VPS41: variants seen among roughly 807,000 people sequenced by gnomAD.
VPS41 encodes VPS41 subunit of HOPS complex.
In VPS41, 85 loss-of-function variants were observed where a neutral mutation model predicts 130.9. The ratio of observed to expected loss-of-function variants is 0.65; its 90% CI spans 0.55 to 0.78. The LOEUF is 0.78. Ranked by LOEUF, VPS41 falls within the 30% of genes least tolerant of loss-of-function variation. The probability of loss-of-function intolerance (pLI) is 0.00; values close to 1 mark genes in which losing one functional copy is unlikely to be tolerated. For synonymous variants in VPS41, 335 were observed against 332.9 expected, an observed-to-expected ratio of 1.01 and a Z score of -0.07; for missense variants, 874 against 1,018.7, an observed-to-expected ratio of 0.86 and a Z score of 1.93.
intron 10 of VPS41, among the ~76,000 whole-genome samples, chr7:38,788,263 C>T (rs1368490018): frequency 6.6e-6 from 1 of 152,152 alleles, no homozygotes; most frequent in Admixed American, 6.5e-5. Context: ...TCCTTGCCTC[C>T]CTGGAAGCTT....
chr7:38,828,084 G>A (rs1043724178), intron 5 of VPS41, among the ~76,000 whole-genome samples: 7 of 152,050 alleles, frequency 4.6e-5, no homozygotes, highest in African/African-American at 7.2e-5. Context: ...AAAAAAGGGA[G>A]CAACATCTCC....
chr7:38,766,175 T>C (rs1229092482), intron 15 of VPS41, among the ~76,000 whole-genome samples: 1 of 152,192 alleles, frequency 6.6e-6, no homozygotes, highest in Non-Finnish European at 1.5e-5. Flanking sequence ...GAAACACATT[T>C]TCTTAAATAA....
rs769312421 is a variant in VPS41 at position 38,758,411 on chromosome 7, C to T, written c.1493G>A (p.Arg498Gln). The change falls in exon 18 of 29, where the codon CGG becomes CAG. Residue 498 changes from arginine (R) to glutamine (Q), a missense_variant. Physicochemically the swap from Arg to Gln is conservative, Grantham distance 43. Transcript: ENST00000310301. ...CTGACTATCTTTCTTCAAATGATCC[C>T]GAACTGCTTGAACTATGACTGAATT... is the stretch of plus-strand genomic sequence containing the variant. ...YNNSVIVQAVRDHLKKDSQNK... is the reference protein window; with the variant it reads ...YNNSVIVQAVQDHLKKDSQNK... 13 of 1,613,402 alleles carry T rather than the reference C, an allele frequency of 8.1e-6. No homozygotes were observed. The highest frequency in any genetic ancestry group is 4.5e-5 in the East Asian group (2 of 44,806).
chr7:38,855,748 T>C (rs1032417240), intron 4 of VPS41, among the ~76,000 whole-genome samples: 23 of 152,228 alleles, frequency 1.5e-4, no homozygotes, highest in Non-Finnish European at 2.6e-4. Context: ...TTTTAAAGTC[T>C]CTTTAGCTTC....
At chr7:38,886,926 G>A (rs112096869) in intron 2 of VPS41, among the ~76,000 whole-genome samples, 6,914 of 152,272 alleles carry the variant, frequency 0.045, 351 homozygotes, top group African/African-American at 0.13. Context: ...CAGACCTGCA[G>A]CTGAGGGGCC....
intron 9 of VPS41, 92 bp from the exon 10 acceptor site, chr7:38,789,959 C>T: frequency 7.9e-7 from 1 of 1,272,406 alleles, no homozygotes; most frequent in South Asian, 1.2e-5. Flanking sequence ...TTAAATTAAC[C>T]TTGTAGCACT....
chr7:38,854,639 C>T (rs929616390), intron 4 of VPS41, among the ~76,000 whole-genome samples: 1 of 152,078 alleles, frequency 6.6e-6, no homozygotes, highest in Non-Finnish European at 1.5e-5. Flanking sequence ...GGAAAATAGT[C>T]TAAATATGTG....
intron 7 of VPS41, among the ~76,000 whole-genome samples, chr7:38,805,939 C>G (rs1784832131): frequency 6.6e-6 from 1 of 152,174 alleles, no homozygotes; most frequent in African/African-American, 2.4e-5. Flanking sequence ...CAGTAAATAT[C>G]AAGTGGACAG....
chr7:38,884,820 C>T (rs1333193879), intron 2 of VPS41, among the ~76,000 whole-genome samples: 1 of 152,188 alleles, frequency 6.6e-6, no homozygotes, highest in Non-Finnish European at 1.5e-5. Flanking sequence ...TCATCTGGTA[C>T]AAAGCAGACC....
At chr7:38,876,755 T>C (rs1483846959) in intron 2 of VPS41, among the ~76,000 whole-genome samples, 1 of 152,144 alleles carries the variant, frequency 6.6e-6, no homozygotes, top group Admixed American at 6.5e-5. Flanking sequence ...TCACAAGATA[T>C]GCAGTCTTCA....
intron 4 of VPS41, among the ~76,000 whole-genome samples, chr7:38,859,234 A>C (rs1403347859): frequency 6.6e-6 from 1 of 152,228 alleles, no homozygotes; most frequent in Non-Finnish European, 1.5e-5. Flanking sequence ...AAGTTTTAAA[A>C]TTAAAAAGTT....
chr7:38,815,728 C>T (rs568544619), intron 7 of VPS41, among the ~76,000 whole-genome samples: 14 of 152,216 alleles, frequency 9.2e-5, no homozygotes, highest in African/African-American at 1.4e-4. Flanking sequence ...GGCAGAAGAA[C>T]GTGAAAAGAC....
chr7:38,815,166 G>GT (rs1208265488), intron 7 of VPS41, among the ~76,000 whole-genome samples: 1 of 152,206 alleles, frequency 6.6e-6, no homozygotes, highest in Non-Finnish European at 1.5e-5. Flanking sequence ...GCTCATGCCT[G>GT]TAATACCAAC....
intron 3 of VPS41, among the ~76,000 whole-genome samples, chr7:38,868,726 A>G (rs564947761): frequency 5.3e-5 from 8 of 152,220 alleles, no homozygotes; most frequent in Non-Finnish European, 8.8e-5. Flanking sequence ...AACACCTACA[A>G]TGTAATCCCT....
intron 3 of VPS41, among the ~76,000 whole-genome samples, chr7:38,864,038 G>A (rs1373364087): frequency 2.6e-5 from 4 of 152,124 alleles, no homozygotes; most frequent in African/African-American, 4.8e-5. Context: ...CACCACATAC[G>A]ATAAGAATTG....
chr7:38,909,019 AC>A (rs1230912820), intron 1 of VPS41, 134 bp downstream of exon 1: 1 of 878,752 alleles, frequency 1.1e-6, no homozygotes, highest in East Asian at 2.8e-5. Flanking sequence ...TCGCCATCCC[AC>A]CCCGCCCTGC....
intron 5 of VPS41, among the ~76,000 whole-genome samples, chr7:38,829,595 A>C (rs962921547): frequency 4.6e-5 from 7 of 152,214 alleles, no homozygotes; most frequent in African/African-American, 1.7e-4. Context: ...ACATTCTTAT[A>C]AGTGGAAAAT....
intron 25 of VPS41, among the ~76,000 whole-genome samples, chr7:38,740,123 C>T (rs779131121): frequency 6.6e-6 from 1 of 152,152 alleles, no homozygotes; most frequent in Non-Finnish European, 1.5e-5. Flanking sequence ...CAACTTTTAA[C>T]CTAGTGCAAG....
intron 7 of VPS41, among the ~76,000 whole-genome samples, chr7:38,801,848 G>A (rs889544030): frequency 6.6e-6 from 1 of 152,168 alleles, no homozygotes; most frequent in Non-Finnish European, 1.5e-5. Context: ...CACACAATGC[G>A]TTTGCTACAG....
Sources: gnomAD v4.1 joint callset for allele counts (sites outside exome capture counted in the v4.1 genomes callset) on GRCh38, gnomAD v4.1.1 for gene constraint, MANE v1.5 for transcripts, NCBI Gene and HGNC (gene_info 2026-07-23, HGNC 2026-07-21) for gene names.